Variants in JADE3 observed in about 807,000 individuals in gnomAD.
The protein encoded by JADE3 is protein Jade-3.
Under a neutral mutation model 50.1 loss-of-function variants are expected in JADE3, and 2 were observed. The ratio of observed to expected loss-of-function variants is 0.04; its 90% CI spans 0.02 to 0.13. The LOEUF (loss-of-function observed/expected upper bound fraction) is 0.13, where lower values mean the gene tolerates loss of function less well. Ranked by LOEUF, JADE3 falls within the 10% of genes least tolerant of loss-of-function variation. The probability of loss-of-function intolerance (pLI) is 1.00; values close to 1 mark genes in which losing one functional copy is unlikely to be tolerated. For synonymous variants in JADE3, 218 were observed against 232.9 expected (o/e 0.94, Z 0.58); for missense variants, 475 against 634.4 (o/e 0.75, Z 2.70).
In JADE3 at chrX:46,983,261, G is replaced by A. The variant is rs149282108; in HGVS notation, c.-11-1623G>A. 2.1e-4 allele frequency among the ~76,000 whole-genome samples: 23 copies of A among 111,568 alleles called. 1 individual carries two copies. The highest frequency in any genetic ancestry group is 7.2e-4 in the African/African-American group (22 of 30,719). On this transcript the variant is annotated intron_variant, in intron 1 of 10. Transcript: ENST00000614628. ...TATTCTATGCCCTGCCTCTCTCCCT[G>A]GGAAAAATCTTTGAGCCACAGCTCT...
At chrX:46,951,282 C>T (rs1926997744) in intron 1 of JADE3, among the ~76,000 whole-genome samples, 1 of 87,812 alleles carries the variant, frequency 1.1e-5, no homozygotes, top group Non-Finnish European at 2.2e-5. Context: ...CCTGCCTCGG[C>T]CTCCCAAAGT....
At chrX:47,009,288 G>GT (rs1390831448) in intron 4 of JADE3, among the ~76,000 whole-genome samples, 1 of 111,105 alleles carries the variant, frequency 9.0e-6, no homozygotes, top group East Asian at 2.9e-4. Context: ...GCTGCAGAGA[G>GT]TACCACTACA....
intron 4 of JADE3, among the ~76,000 whole-genome samples, chrX:47,008,335 A>T (rs1462208291): frequency 8.9e-6 from 1 of 112,144 alleles, no homozygotes; most frequent in Non-Finnish European, 1.9e-5. Context: ...AGGTACAAAG[A>T]ACAAAATGTT....
chrX:46,930,411 C>T (rs1556339662), intron 1 of JADE3, among the ~76,000 whole-genome samples: 4 of 112,072 alleles, frequency 3.6e-5, no homozygotes, highest in African/African-American at 1.3e-4. Context: ...TGATTCTAGC[C>T]GAAATTGCTA....
At chrX:47,015,415 C>T (rs1361800576) in intron 4 of JADE3, among the ~76,000 whole-genome samples, 1 of 109,602 alleles carries the variant, frequency 9.1e-6, no homozygotes, top group Admixed American at 9.8e-5. Context: ...AACCCCATCT[C>T]TACCAAAAAT....
At chrX:46,987,375 A>G (rs1248700215) in intron 3 of JADE3, among the ~76,000 whole-genome samples, 2 of 111,886 alleles carry the variant, frequency 1.8e-5, no homozygotes, top group African/African-American at 6.5e-5. Flanking sequence ...CACATTTGCT[A>G]TATAATGTGA....
At chrX:47,040,241 C>T (rs1464785612) in intron 8 of JADE3, among the ~76,000 whole-genome samples, 1 of 111,946 alleles carries the variant, frequency 8.9e-6, no homozygotes, top group Admixed American at 9.5e-5. Context: ...GGGGACATTG[C>T]ACAGTGCAGG....
chrX:47,054,457 G>T lies in JADE3; in HGVS notation c.1272G>T (p.Thr424=). ...EDVAAELGMP[T]LAVDFIYNYW... The stretch of plus-strand genomic sequence containing the variant: ...TGGCCGCAGAGCTGGGTATGCCCAC[G>T]CTAGCTGTGGACTTTATCTATAACT... The change falls in exon 9 of 11, where the codon ACG becomes ACT. Residue 424 remains threonine (T), a synonymous_variant. Transcript: ENST00000614628. The T allele has an allele frequency of 8.3e-7, 1 of 1,210,604 alleles. No homozygotes were observed. The highest frequency in any genetic ancestry group is 1.8e-5 in the South Asian group (1 of 56,975).
chrX:47,016,463 C>T (rs781974829), intron 4 of JADE3, among the ~76,000 whole-genome samples: 2 of 111,547 alleles, frequency 1.8e-5, no homozygotes, highest in African/African-American at 6.5e-5. Flanking sequence ...CAGTTCAGGA[C>T]TCCAAGAGTG....
Position 46,945,394 on chromosome X carries a change from C to T in JADE3, c.-12+32675C>T, listed in dbSNP as rs182481814. On this transcript the variant is annotated intron_variant, in intron 1 of 10. Coordinates refer to ENST00000614628, the MANE Select transcript of JADE3 (RefSeq NM_014735.5). The stretch of plus-strand genomic sequence containing the variant: ...CCTAATGTCCCTTCTCTCTTCTTTC[C>T]TCTTAGCACTTTTGGTGACCTCTTG... 1.2e-3 allele frequency among the ~76,000 whole-genome samples: 132 copies of T among 111,191 alleles called. 3 individuals carry two copies. In the Admixed American group the frequency reaches 0.013, roughly 11 times the overall value.
intron 4 of JADE3, among the ~76,000 whole-genome samples, chrX:47,016,523 TCAGAAA>T (rs1928681322): frequency 1.8e-5 from 2 of 111,521 alleles, no homozygotes; most frequent in African/African-American, 3.3e-5. Context: ...AAGCCTAGGC[TCAGAAA>T]CTGACACAGT....
At chrX:46,945,635 G>A (rs1926870689) in intron 1 of JADE3, among the ~76,000 whole-genome samples, 1 of 111,723 alleles carries the variant, frequency 9.0e-6, no homozygotes, top group South Asian at 3.8e-4. Context: ...TCCTGGAGCT[G>A]TGGGAGCTGC....
chrX:47,014,090 G>T (rs1928622431), intron 4 of JADE3, among the ~76,000 whole-genome samples: 1 of 112,249 alleles, frequency 8.9e-6, no homozygotes, highest in Non-Finnish European at 1.9e-5. Flanking sequence ...TCAAAGAAAT[G>T]CTTCAGGATC....
intron 1 of JADE3, among the ~76,000 whole-genome samples, chrX:46,935,385 A>G (rs943872806): frequency 9.0e-6 from 1 of 111,356 alleles, no homozygotes; most frequent in Non-Finnish European, 1.9e-5. Flanking sequence ...GCTGTTCTTT[A>G]TAAATTTTAG....
At chrX:46,970,264 T>C (rs185513278) in intron 1 of JADE3, among the ~76,000 whole-genome samples, 1 of 112,324 alleles carries the variant, frequency 8.9e-6, no homozygotes, top group Admixed American at 9.4e-5. Flanking sequence ...CCAGGGAAAT[T>C]TGTTGCCATT....
At chrX:46,949,836 T>C (rs1926965300) in intron 1 of JADE3, among the ~76,000 whole-genome samples, 2 of 111,803 alleles carry the variant, frequency 1.8e-5, no homozygotes, top group African/African-American at 6.5e-5. Context: ...TATATTCTTG[T>C]ATCTGGCTTA....
intron 3 of JADE3, among the ~76,000 whole-genome samples, chrX:46,993,284 G>C (rs782058043): frequency 7.2e-5 from 8 of 111,666 alleles, no homozygotes; most frequent in Non-Finnish European, 1.3e-4. Context: ...ATTCAGTGGA[G>C]AGCACTACAT....
chrX:47,056,500 A>T (rs1480479857), intron 10 of JADE3, among the ~76,000 whole-genome samples: 2 of 112,004 alleles, frequency 1.8e-5, no homozygotes, highest in African/African-American at 6.5e-5. Flanking sequence ...TATCAAATTC[A>T]TTTAGAAATT....
intron 4 of JADE3, among the ~76,000 whole-genome samples, chrX:47,019,617 C>T (rs1928751078): frequency 1.8e-5 from 2 of 112,084 alleles, no homozygotes; most frequent in African/African-American, 6.5e-5. Flanking sequence ...TGGTTTTATG[C>T]AGTTTCTGCA....
Sources: allele counts gnomAD v4.1 joint callset (sites outside exome capture counted in the v4.1 genomes callset), GRCh38; gene constraint gnomAD v4.1.1; transcripts MANE v1.5; gene names NCBI Gene and HGNC (gene_info 2026-07-23, HGNC 2026-07-21).